DIAPH2: variants seen among roughly 807,000 people sequenced by gnomAD.
DIAPH2 encodes the protein protein diaphanous homolog 2.
A neutral mutation model predicts 92.7 loss-of-function variants in DIAPH2; 35 were observed. That is an observed-to-expected ratio of 0.38 (90% CI 0.29 to 0.50). The LOEUF (loss-of-function observed/expected upper bound fraction) is 0.50, where lower values mean the gene tolerates loss of function less well. Ranked by LOEUF, DIAPH2 falls within the 20% of genes least tolerant of loss-of-function variation. The pLI is 0.94. For synonymous variants in DIAPH2, 301 were observed against 280.4 expected, an observed-to-expected ratio of 1.07 and a Z score of -0.73; for missense variants, 701 against 819.5, an observed-to-expected ratio of 0.86 and a Z score of 1.77.
chrX:97,521,358 G>T (rs970138443), intron 26 of DIAPH2, among the ~76,000 whole-genome samples: 2 of 112,297 alleles, frequency 1.8e-5, no homozygotes, highest in African/African-American at 6.5e-5. Context: ...ACAAAATGAT[G>T]TATATTCTGG....
chrX:97,308,037 G>A (rs1396681815), intron 23 of DIAPH2, among the ~76,000 whole-genome samples: 1 of 110,771 alleles, frequency 9.0e-6, no homozygotes, highest in Non-Finnish European at 1.9e-5. Flanking sequence ...TGGCATTTGG[G>A]GAGTATTTGT....
At chrX:96,832,773 G>T (rs2064863559) in intron 4 of DIAPH2, among the ~76,000 whole-genome samples, 1 of 111,647 alleles carries the variant, frequency 9.0e-6, no homozygotes, top group African/African-American at 3.3e-5. Context: ...AAAAGTTGCT[G>T]TTGGCAATGA....
chrX:96,938,602 C>G (rs2065673293), intron 11 of DIAPH2, among the ~76,000 whole-genome samples: 1 of 111,390 alleles, frequency 9.0e-6, no homozygotes, highest in African/African-American at 3.3e-5. Context: ...TGTCTTTTAT[C>G]TTTATTTTAC....
intron 1 of DIAPH2, among the ~76,000 whole-genome samples, chrX:96,686,517 T>C (rs899799715): frequency 2.7e-5 from 3 of 111,966 alleles, no homozygotes; most frequent in African/African-American, 9.7e-5. Context: ...TAGATAGTTA[T>C]GAGATCGTAT....
chrX:97,425,065 T>C (rs923648175), intron 25 of DIAPH2, among the ~76,000 whole-genome samples: 1 of 112,747 alleles, frequency 8.9e-6, no homozygotes, highest in East Asian at 2.7e-4. Flanking sequence ...ATCATAAATA[T>C]ATTTTTTCAG....
intron 4 of DIAPH2, among the ~76,000 whole-genome samples, chrX:96,803,548 C>T (rs1471876884): frequency 1.8e-5 from 2 of 112,063 alleles, no homozygotes; most frequent in Non-Finnish European, 3.8e-5. Context: ...CTAGTAGTAA[C>T]ATTAGTGTAG....
chrX:97,404,190 A>AT (rs1298773071), intron 25 of DIAPH2, among the ~76,000 whole-genome samples: 1 of 111,975 alleles, frequency 8.9e-6, no homozygotes, highest in African/African-American at 3.2e-5. Flanking sequence ...GTTCAGGGAA[A>AT]TACCAGCTGT....
intron 1 of DIAPH2, among the ~76,000 whole-genome samples, chrX:96,714,104 A>T (rs1225167359): frequency 9.0e-6 from 1 of 110,983 alleles, no homozygotes; most frequent in African/African-American, 3.3e-5. Flanking sequence ...GGTTGTTCCT[A>T]CAGCCTCCAC....
chrX:97,443,862 A>AATTC (rs1221934960), intron 26 of DIAPH2, among the ~76,000 whole-genome samples: 3 of 112,111 alleles, frequency 2.7e-5, no homozygotes, highest in Non-Finnish European at 5.6e-5. Flanking sequence ...TTAGAGGGCA[A>AATTC]ATTCCTAAAT....
intron 26 of DIAPH2, among the ~76,000 whole-genome samples, chrX:97,458,300 T>C (rs1210668410): frequency 1.9e-5 from 2 of 105,341 alleles, no homozygotes; most frequent in African/African-American, 6.9e-5. Context: ...TTCTTTTCTT[T>C]CGTTCTTTTT....
chrX:97,252,277 G>A (rs1348955921), intron 23 of DIAPH2, among the ~76,000 whole-genome samples: 3 of 111,210 alleles, frequency 2.7e-5, no homozygotes, highest in Admixed American at 9.6e-5. Flanking sequence ...TTCCCCAACC[G>A]GAGGACAGAG....
chrX:97,524,323 A>G (rs1369165393), intron 26 of DIAPH2, among the ~76,000 whole-genome samples: 1 of 112,133 alleles, frequency 8.9e-6, no homozygotes, highest in Non-Finnish European at 1.9e-5. Context: ...TGAATATTCT[A>G]TGCCGGAGAA....
chrX:97,330,330 C>A (rs2147666204), intron 23 of DIAPH2, among the ~76,000 whole-genome samples: 1 of 109,406 alleles, frequency 9.1e-6, no homozygotes, highest in East Asian at 2.9e-4. Context: ...TAGCAACTCC[C>A]CATTTCCCTC....
chrX:96,929,170 C>T (rs184282380), intron 9 of DIAPH2, among the ~76,000 whole-genome samples: 34 of 111,582 alleles, frequency 3.0e-4, no homozygotes, highest in Admixed American at 2.6e-3. Flanking sequence ...CAAGCAAATA[C>T]AATGATAATA....
intron 23 of DIAPH2, among the ~76,000 whole-genome samples, chrX:97,275,962 C>T (rs1357302990): frequency 3.6e-5 from 4 of 112,613 alleles, no homozygotes; most frequent in East Asian, 2.8e-4. Context: ...GCCGAGATCA[C>T]GCCACTGCAC....
intron 17 of DIAPH2, among the ~76,000 whole-genome samples, chrX:97,014,648 G>A (rs1324616741): frequency 1.8e-5 from 2 of 111,802 alleles, no homozygotes; most frequent in South Asian, 3.7e-4. Flanking sequence ...TTTCAGAGTG[G>A]GTAGGAGAAT....
intron 22 of DIAPH2, among the ~76,000 whole-genome samples, chrX:97,237,781 C>A (rs2068060473): frequency 1.8e-5 from 2 of 109,973 alleles, no homozygotes; most frequent in African/African-American, 6.6e-5. Flanking sequence ...CGGAGTTTCA[C>A]CTTGTTAGCC....
At chrX:96,896,797 G>C (rs1326115294) in intron 5 of DIAPH2, among the ~76,000 whole-genome samples, 1 of 111,958 alleles carries the variant, frequency 8.9e-6, no homozygotes, top group Non-Finnish European at 1.9e-5. Flanking sequence ...TACAAGTCAG[G>C]TTGACAATAA....
At chrX:96,833,109 T>A (rs531420073) in intron 4 of DIAPH2, among the ~76,000 whole-genome samples, 1 of 111,221 alleles carries the variant, frequency 9.0e-6, no homozygotes, top group East Asian at 2.8e-4. Flanking sequence ...TTTTTTAAAA[T>A]TCCTTGGAAA....
Sources: gnomAD v4.1 joint callset for allele counts (sites outside exome capture counted in the v4.1 genomes callset) on GRCh38, gnomAD v4.1.1 for gene constraint, MANE v1.5 for transcripts, NCBI Gene and HGNC (gene_info 2026-07-23, HGNC 2026-07-21) for gene names.